Variants in TEAD4 observed in about 807,000 individuals in gnomAD.
The protein encoded by TEAD4 is transcriptional enhancer factor TEF-3.
Under a neutral mutation model 52.4 loss-of-function variants are expected in TEAD4, and 36 were observed. That is an observed-to-expected ratio of 0.69 (90% confidence interval 0.53 to 0.91). TEAD4 has a LOEUF of 0.91. Ranked by LOEUF, TEAD4 falls within the 40% of genes least tolerant of loss-of-function variation. The probability of loss-of-function intolerance (pLI) is 0.00; values close to 1 mark genes in which losing one functional copy is unlikely to be tolerated. For synonymous variants in TEAD4, 220 were observed against 231.0 expected, an observed-to-expected ratio of 0.95 and a Z score of 0.43; for missense variants, 508 against 583.9, an observed-to-expected ratio of 0.87 and a Z score of 1.34.
chr12:2,973,167 G>A (rs2098226680), intron 2 of TEAD4, among the ~76,000 whole-genome samples: 1 of 152,176 alleles, frequency 6.6e-6, no homozygotes, highest in Non-Finnish European at 1.5e-5. Flanking sequence ...GACCACCCAG[G>A]CTCAAGTGTC....
At chr12:3,004,219 A>C (rs920555080) in intron 3 of TEAD4, among the ~76,000 whole-genome samples, 1 of 152,196 alleles carries the variant, frequency 6.6e-6, no homozygotes, top group Non-Finnish European at 1.5e-5. Context: ...AAAGGGAAGG[A>C]GCAGCATCGT....
At chr12:2,998,955 G>C (rs781375282) in intron 3 of TEAD4, among the ~76,000 whole-genome samples, 2 of 152,174 alleles carry the variant, frequency 1.3e-5, no homozygotes, top group Non-Finnish European at 2.9e-5. Context: ...CTGGGATCCA[G>C]ACACCCGCTC....
chr12:3,021,602 C>T lies in TEAD4; in HGVS notation c.724-242C>T, dbSNP rs192893051. ...CTGGGATTACCGGTGTGAGCCGCCGCACCCGGCTCAGACTTCTTTTTAGCT... is the reference window on the plus strand; with the variant it reads ...CTGGGATTACCGGTGTGAGCCGCCGTACCCGGCTCAGACTTCTTTTTAGCT... On this transcript the variant is annotated intron_variant, in intron 9 of 12. Transcript: ENST00000359864. Among the ~76,000 whole-genome samples, 801 of 152,312 alleles carry T rather than the reference C, an allele frequency of 5.3e-3. 3 individuals carry two copies. Among genetic ancestry groups the T allele is most frequent in the African/African-American group, 0.018 (748 of 41,572 alleles).
intron 2 of TEAD4, among the ~76,000 whole-genome samples, chr12:2,985,637 C>T (rs1187695547): frequency 6.7e-6 from 1 of 149,954 alleles, no homozygotes; most frequent in Non-Finnish European, 1.5e-5. Context: ...TCCCTAGTAG[C>T]TGGGATTATA....
At chr12:2,965,507 AT>A (rs574268753) in intron 2 of TEAD4, among the ~76,000 whole-genome samples, 21 of 152,198 alleles carry the variant, frequency 1.4e-4, no homozygotes, top group African/African-American at 4.8e-4. Context: ...AGTGAAGTTA[AT>A]GTTGGTGTTT....
intron 9 of TEAD4, among the ~76,000 whole-genome samples, chr12:3,021,464 C>T (rs781716829): frequency 7.2e-5 from 11 of 152,068 alleles, no homozygotes; most frequent in Non-Finnish European, 1.3e-4. Flanking sequence ...GTGCCTGCCA[C>T]CACACCTGGC....
At chr12:2,984,815 A>G (rs895199663) in intron 2 of TEAD4, among the ~76,000 whole-genome samples, 2 of 152,186 alleles carry the variant, frequency 1.3e-5, no homozygotes, top group Non-Finnish European at 2.9e-5. Flanking sequence ...AAGATAACAA[A>G]TGGCACACCT....
intron 9 of TEAD4, 139 bp from the exon 10 acceptor site, chr12:3,021,705 T>G (rs2098268826): frequency 1.3e-6 from 1 of 784,852 alleles, no homozygotes; most frequent in South Asian, 1.9e-5. Context: ...TTACCATCTC[T>G]ATTTTACTCA....
chr12:3,040,362 C>A lies in TEAD4; in HGVS notation c.1192-3C>A. On this transcript the variant is annotated splice_polypyrimidine_tract_variant and splice_region_variant and intron_variant, in intron 12 of 12. Coordinates refer to ENST00000359864, the MANE Select transcript of TEAD4 (RefSeq NM_003213.4). Reference sequence around the variant, plus strand: ...TTAACCCTTGTCTTTTTCTCTCCCACAGGTGGTCACCAACAGAGACACACA... The same window carrying A: ...TTAACCCTTGTCTTTTTCTCTCCCAAAGGTGGTCACCAACAGAGACACACA... 1 of 1,614,172 alleles carries A rather than the reference C, an allele frequency of 6.2e-7. No individual in the cohort carries two copies. The highest frequency in any genetic ancestry group is 1.6e-4 in the Middle Eastern group (1 of 6,062).
intron 5 of TEAD4, among the ~76,000 whole-genome samples, chr12:3,012,931 G>A (rs973169638): frequency 6.6e-6 from 1 of 152,166 alleles, no homozygotes; most frequent in Non-Finnish European, 1.5e-5. Context: ...GAGGCATTAA[G>A]TCTAGACCAT....
chr12:2,961,914 C>G (rs968124011), intron 2 of TEAD4, among the ~76,000 whole-genome samples: 1 of 151,990 alleles, frequency 6.6e-6, no homozygotes, highest in Non-Finnish European at 1.5e-5. Flanking sequence ...CGCTGTGTTC[C>G]GCGTCCTTAG....
intron 3 of TEAD4, among the ~76,000 whole-genome samples, chr12:2,995,297 C>G (rs2153955432): frequency 6.6e-6 from 1 of 152,232 alleles, no homozygotes; most frequent in East Asian, 1.9e-4. Context: ...CAAGCTGTAC[C>G]CCAGCAGGTG....
chr12:2,963,955 G>C (rs1329429347), intron 2 of TEAD4, among the ~76,000 whole-genome samples: 2 of 152,174 alleles, frequency 1.3e-5, no homozygotes, highest in Non-Finnish European at 2.9e-5. Context: ...ATAGACTTCA[G>C]AGGAGTCACC....
At chr12:2,963,919 C>T (rs1211899416) in intron 2 of TEAD4, among the ~76,000 whole-genome samples, 1 of 152,176 alleles carries the variant, frequency 6.6e-6, no homozygotes, top group Non-Finnish European at 1.5e-5. Context: ...GACTCTGCTT[C>T]CTTTGACCCA....
chr12:3,009,590 G>A (rs1396309360), intron 3 of TEAD4, among the ~76,000 whole-genome samples: 2 of 152,228 alleles, frequency 1.3e-5, no homozygotes, highest in Non-Finnish European at 2.9e-5. Flanking sequence ...TCACCCACCG[G>A]TGATGACTTA....
In TEAD4 at chr12:3,002,561, G is replaced by A. The variant is rs76012842; in HGVS notation, c.226+7569G>A. On this transcript the variant is annotated intron_variant, in intron 3 of 12. Transcript: ENST00000359864. ...ATAGCCATCCTAGTGGGTGTGAAGC[G>A]CTATCTCGTGGTTTTTGATTTGCAT... Among the ~76,000 whole-genome samples, 15 of 152,314 alleles carry A rather than the reference G, an allele frequency of 9.8e-5. No homozygotes were observed. The East Asian group carries it at 1.3e-3, about 14-fold the overall frequency.
At chr12:3,028,559 T>C (rs935053450) in intron 10 of TEAD4, among the ~76,000 whole-genome samples, 1 of 152,236 alleles carries the variant, frequency 6.6e-6, no homozygotes, top group Non-Finnish European at 1.5e-5. Context: ...CTGATGATGG[T>C]AAGCATCTTT....
At chr12:3,002,751 G>C (rs1165964312) in intron 3 of TEAD4, among the ~76,000 whole-genome samples, 1 of 152,186 alleles carries the variant, frequency 6.6e-6, no homozygotes, top group Non-Finnish European at 1.5e-5. Flanking sequence ...AGTGTGGCGG[G>C]GGAGCATGAC....
chr12:2,994,692 G>A lies in TEAD4; in HGVS notation c.-29-46G>A, dbSNP rs1474181616. The A allele has an allele frequency of 1.5e-5, 23 of 1,504,622 alleles. No homozygotes were observed. Among genetic ancestry groups the A allele is most frequent in the South Asian group, 5.4e-5 (4 of 74,526 alleles). 93.2% of individuals were successfully genotyped at this position (1,504,622 alleles called of 1,614,324 possible). ...GGAGTGCCTTCATCCCGTGGCCCAC[G>A]CAGTTCTTCCACTGCTCACCGGGGC... is the stretch of plus-strand genomic sequence containing the variant. On this transcript the variant is annotated intron_variant, in intron 2 of 12. Transcript: ENST00000359864. This position sits in a 1 kb window ranked among gnomAD's most constrained non-coding sequence, Gnocchi z 4.7.
Sources: gnomAD v4.1 joint callset for allele counts (sites outside exome capture counted in the v4.1 genomes callset) on GRCh38, gnomAD v4.1.1 for gene constraint, Gnocchi (gnomAD v3.1) non-coding constraint, MANE v1.5 for transcripts, NCBI Gene and HGNC (gene_info 2026-07-23, HGNC 2026-07-21) for gene names.